Variants in SRGAP3 observed in about 807,000 individuals in gnomAD.
The protein encoded by SRGAP3 is SLIT-ROBO Rho GTPase-activating protein 3.
In SRGAP3, 39 loss-of-function variants were observed where a neutral mutation model predicts 121.1. That is an observed-to-expected ratio of 0.32 (90% CI 0.25 to 0.42). SRGAP3 has a LOEUF of 0.42. SRGAP3 is among the 10% of genes least tolerant of loss of function. The probability of loss-of-function intolerance (pLI) is 1.00; values close to 1 mark genes in which losing one functional copy is unlikely to be tolerated. For missense variants in SRGAP3, 1,213 were observed against 1,470.6 expected (o/e 0.82, Z 2.86); for synonymous variants, 601 against 570.0 (o/e 1.05, Z -0.77).
chr3:9,357,828 T>C (rs1318939199), intron 1 of SRGAP3, among the ~76,000 whole-genome samples: 1 of 152,166 alleles, frequency 6.6e-6, no homozygotes, highest in African/African-American at 2.4e-5. Context: ...AAGTTTCCTT[T>C]TTCCTTTATA....
At chr3:9,096,499 C>T (rs1947973058) in intron 3 of SRGAP3, among the ~76,000 whole-genome samples, 1 of 152,138 alleles carries the variant, frequency 6.6e-6, no homozygotes, top group Non-Finnish European at 1.5e-5. Flanking sequence ...GTGTGACTTG[C>T]TCTTGGCTTT....
chr3:9,007,961 C>A (rs1456201010), intron 18 of SRGAP3: 1 of 152,126 alleles, frequency 6.6e-6, no homozygotes, highest in Non-Finnish European at 1.5e-5. Context: ...GATTCAATAC[C>A]CCCCACTAAT....
intron 4 of SRGAP3, among the ~76,000 whole-genome samples, chr3:9,064,861 T>TAATA (rs58800068): frequency 0.17 from 24,956 of 149,688 alleles, 2,298 homozygotes; most frequent in East Asian, 0.32. Context: ...TAAAAAATAA[T>TAATA]AATAAATAAA....
At chr3:9,283,603 C>T (rs1387803548) in intron 3 of SRGAP3, among the ~76,000 whole-genome samples, 1 of 152,024 alleles carries the variant, frequency 6.6e-6, no homozygotes, top group Admixed American at 6.6e-5. Flanking sequence ...AGTTGTTTTC[C>T]TTGACAGGCT....
chr3:9,181,189 G>C (rs967806104), intron 1 of SRGAP3, among the ~76,000 whole-genome samples: 2 of 152,196 alleles, frequency 1.3e-5, no homozygotes, highest in Admixed American at 6.5e-5. Context: ...GAAATGTACC[G>C]GGAAGTGTCA....
intron 1 of SRGAP3, among the ~76,000 whole-genome samples, chr3:9,220,368 G>A (rs531326204): frequency 1.3e-5 from 2 of 152,130 alleles, no homozygotes; most frequent in South Asian, 2.1e-4. Context: ...CAGATCATTC[G>A]AAGTCCTGCA....
At chr3:9,248,243 G>A (rs1953896115) in intron 1 of SRGAP3, among the ~76,000 whole-genome samples, 1 of 152,214 alleles carries the variant, frequency 6.6e-6, no homozygotes, top group South Asian at 2.1e-4. Flanking sequence ...TGCACACTGC[G>A]AGATAATACA....
chr3:9,342,724 G>A lies in SRGAP3; in HGVS notation n.215-12128C>T, dbSNP rs1315314719. Among the ~76,000 whole-genome samples, 5 of 152,084 alleles carry A rather than the reference G, an allele frequency of 3.3e-5. 1 individual carries two copies. The highest frequency in any genetic ancestry group is 1.3e-4 in the Admixed American group (2 of 15,270). On this transcript the variant is annotated intron_variant and non_coding_transcript_variant, in intron 1 of 3. Transcript: ENST00000490889. ...AGTGCCTTTACTTAGACTCTTGAGG[G>A]CTTTCCCTACCTGAAAAACAGTGAA...
intron 1 of SRGAP3, among the ~76,000 whole-genome samples, chr3:9,129,927 A>C (rs374970015): frequency 5.3e-5 from 8 of 151,770 alleles, no homozygotes; most frequent in African/African-American, 1.9e-4. Context: ...ACACCTGAAT[A>C]ATTTTTGTAT....
At position 8,982,252 on chromosome 3, in the gene SRGAP3, G is replaced by A. The variant is rs1941456039; in HGVS notation, c.*3267C>T. 1.8e-5 allele frequency: 4 copies of A among 226,248 alleles called. No individual in the cohort carries two copies. Among genetic ancestry groups the A allele is most frequent in the South Asian group, 3.7e-4 (2 of 5,460 alleles). 14.0% of individuals were successfully genotyped at this position (226,248 alleles called of 1,614,324 possible). ...AAAAGGCTTGACCTCAGGATAAGTCGAAGGTTAAGAAAAGAAATCATTCCA... is the reference window on the plus strand; with the variant it reads ...AAAAGGCTTGACCTCAGGATAAGTCAAAGGTTAAGAAAAGAAATCATTCCA... On this transcript the variant is annotated 3_prime_UTR_variant, in exon 22 of 22. Coordinates refer to ENST00000383836, the MANE Select transcript of SRGAP3 (RefSeq NM_014850.4).
chr3:9,114,899 G>A (rs984023601), intron 2 of SRGAP3, among the ~76,000 whole-genome samples: 6 of 152,208 alleles, frequency 3.9e-5, no homozygotes, highest in African/African-American at 1.2e-4. Context: ...TCTACTGGAT[G>A]TCTGATAGGC....
At chr3:9,013,215 A>G in intron 17 of SRGAP3, 93 bp downstream of exon 17, 1 of 1,257,872 alleles carries the variant, frequency 7.9e-7, no homozygotes, top group Non-Finnish European at 1.1e-6. Context: ...ACCGACTATC[A>G]AGCAGTAAGA....
At chr3:9,285,273 A>T (rs553502417) in intron 3 of SRGAP3, among the ~76,000 whole-genome samples, 1 of 152,308 alleles carries the variant, frequency 6.6e-6, no homozygotes, top group South Asian at 2.1e-4. Context: ...TGTGTAGCGA[A>T]GAGATGGCCA....
chr3:9,091,677 C>G (rs953060675), intron 3 of SRGAP3, among the ~76,000 whole-genome samples: 11 of 152,272 alleles, frequency 7.2e-5, no homozygotes, highest in African/African-American at 2.6e-4. Flanking sequence ...CAGTTAACGG[C>G]TCACTCCCAT....
At chr3:9,139,159 G>A (rs1949765605) in intron 1 of SRGAP3, among the ~76,000 whole-genome samples, 1 of 152,206 alleles carries the variant, frequency 6.6e-6, no homozygotes, top group Admixed American at 6.5e-5. Context: ...AGCTAGCACA[G>A]CACCAGTGCC....
At chr3:9,229,004 G>A (rs528459419) in intron 1 of SRGAP3, among the ~76,000 whole-genome samples, 39 of 149,104 alleles carry the variant, frequency 2.6e-4, no homozygotes, top group African/African-American at 9.4e-4. Flanking sequence ...GGAGCTTGCA[G>A]TGAGCCGAGA....
intron 18 of SRGAP3, among the ~76,000 whole-genome samples, chr3:9,000,589 C>T (rs1450694721): frequency 6.6e-6 from 1 of 152,094 alleles, no homozygotes; most frequent in African/African-American, 2.4e-5. Context: ...CAGTGGAGGT[C>T]GTGTTGAAGG....
At position 8,984,059 on chromosome 3, in the gene SRGAP3, G is replaced by A. The variant is rs888195081; in HGVS notation, c.*1460C>T. 4.3e-6 allele frequency: 1 copy of A among 231,738 alleles called. No individual in the cohort carries two copies. The highest frequency in any genetic ancestry group is 2.2e-5 in the African/African-American group (1 of 45,252). 14.4% of individuals were successfully genotyped at this position (231,738 alleles called of 1,614,324 possible). On this transcript the variant is annotated 3_prime_UTR_variant, in exon 22 of 22. Transcript: ENST00000383836. ...TCAGAAGAGGAGGTAAAATGGAATC[G>A]AAGGAGAGCGACCCGGAAGGGCTTT...
chr3:9,127,985 A>G (rs1275742523), intron 1 of SRGAP3, among the ~76,000 whole-genome samples: 1 of 152,044 alleles, frequency 6.6e-6, no homozygotes, highest in Non-Finnish European at 1.5e-5. Flanking sequence ...ATACAGAATC[A>G]TCCAAACTCA....
Sources: gnomAD v4.1 joint callset for allele counts (sites outside exome capture counted in the v4.1 genomes callset) on GRCh38, gnomAD v4.1.1 for gene constraint, MANE v1.5 for transcripts, NCBI Gene and HGNC (gene_info 2026-07-23, HGNC 2026-07-21) for gene names.